PIGR: variants seen among roughly 807,000 people sequenced by gnomAD.
PIGR encodes the protein polymeric immunoglobulin receptor.
PIGR carries 22 observed loss-of-function variants against 69.5 expected under a neutral mutation model. That is an observed-to-expected ratio of 0.32 (90% CI 0.23 to 0.45). The LOEUF (loss-of-function observed/expected upper bound fraction) is 0.45, where lower values mean the gene tolerates loss of function less well. Among genes scored for constraint, PIGR ranks in the 20% least tolerant of loss-of-function variants. PIGR has a pLI of 1.00. For missense variants in PIGR, 885 were observed against 974.0 expected, an observed-to-expected ratio of 0.91 and a Z score of 1.22; for synonymous variants, 413 against 407.6, an observed-to-expected ratio of 1.01 and a Z score of -0.16.
rs550738103 is a variant in PIGR, at chr1:206,935,063, A to T, written c.1379-317T>A. ...GGATAGCATTAGAAATAAGTATGTT[A>T]TTCTGACTACAGAAGAAATGTAATT... On this transcript the variant is annotated intron_variant, in intron 5 of 10. Transcript: ENST00000356495. The surrounding 1 kb of genome is among the most constrained non-coding windows in gnomAD (Gnocchi z 4.4). 6.0e-4 allele frequency among the ~76,000 whole-genome samples: 92 copies of T among 152,302 alleles called. No individual in the cohort carries two copies. Among genetic ancestry groups the T allele is most frequent in the African/African-American group, 1.9e-3 (78 of 41,568 alleles).
At position 206,935,639 on chromosome 1, in the gene PIGR, A is replaced by T; in HGVS notation, c.1225T>A (p.Tyr409Asn). Residue 409 changes from tyrosine to asparagine, a missense_variant, in exon 5 of 11, where the codon TAC (tyrosine) becomes AAC (asparagine). By Grantham distance (143) the Tyr-to-Asn change is moderately radical (BLOSUM62 -2). Coordinates refer to ENST00000356495, the MANE Select transcript of PIGR (RefSeq NM_002644.4). This position sits in a 1 kb window ranked among gnomAD's most constrained non-coding sequence, Gnocchi z 4.4. ...TCCAGCAGGGAGAGGCGGCCCTCGT[A>T]CTGGGCCTTAACCCACCCCTCGCTG... The part of the protein sequence containing the change: ...VDSEGWVKAQ[Y>N]EGRLSLLEEP... The T allele has an allele frequency of 6.2e-7, 1 of 1,613,908 alleles. No individual in the cohort carries two copies. The highest frequency in any genetic ancestry group is 1.1e-5 in the South Asian group (1 of 91,064).
chr1:206,936,449 A>T (rs974277329), intron 4 of PIGR, among the ~76,000 whole-genome samples: 4 of 152,000 alleles, frequency 2.6e-5, no homozygotes, highest in Admixed American at 2.0e-4. Context: ...AAAAAAAAAA[A>T]GTCACAAGCA....
chr1:206,937,271 G>T lies in PIGR; in HGVS notation c.869C>A (p.Ala290Asp), dbSNP rs761790042. ...CAGGATCCTGCCCTCAAAGGCTGGG[G>T]CCCTCTTCCCCAGGGTGTTGACGAC... ...DVVVNTLGKR[A>D]PAFEGRILLN... Residue 290 changes from alanine to aspartate, a missense_variant, in exon 4 of 11, where the codon GCC becomes GAC. Physicochemically the swap from Ala to Asp is moderately radical, Grantham distance 126. Coordinates refer to ENST00000356495, the MANE Select transcript of PIGR (RefSeq NM_002644.4). 1 of 1,613,714 alleles carries T rather than the reference G, an allele frequency of 6.2e-7. No homozygotes were observed. Among genetic ancestry groups the T allele is most frequent in the Non-Finnish European group, 8.5e-7 (1 of 1,179,880 alleles).
chr1:206,940,708 G>T, intron 1 of PIGR, 124 bp from the exon 2 acceptor site: 1 of 584,106 alleles, frequency 1.7e-6, no homozygotes, highest in Non-Finnish European at 3.0e-6. Context: ...CCTGTTGAAT[G>T]AATCAGTGCC....
chr1:206,934,506 C>A lies in PIGR; in HGVS notation c.1619G>T (p.Gly540Val). Residue 540 changes from glycine (G) to valine (V), a missense_variant, in exon 6 of 11, where the codon GGC becomes GTC. Gly to Val is a moderately radical substitution (Grantham distance 109, BLOSUM62 -3). Coordinates refer to ENST00000356495, the MANE Select transcript of PIGR (RefSeq NM_002644.4). ...TLNLVTRADE[G>V]WYWCGVKQGH... ...CTGCTTCACTCCACACCAGTACCAG[C>A]CCTCATCAGCCCTGGTCACCAGGTT... 1 of 1,614,216 alleles carries A rather than the reference C, an allele frequency of 6.2e-7. No homozygotes were observed. The highest frequency in any genetic ancestry group is 8.5e-7 in the Non-Finnish European group (1 of 1,180,020).
At position 206,931,815 on chromosome 1, in the gene PIGR, A is replaced by C. The variant is rs1351013342; in HGVS notation, c.2009-13T>G. On this transcript the variant is annotated splice_polypyrimidine_tract_variant and intron_variant, in intron 8 of 10. Coordinates refer to ENST00000356495, the MANE Select transcript of PIGR (RefSeq NM_002644.4). ...ATTGAAACTCGGTCTGTCCGGGAGG[A>C]AGAGGAGTTGGTGTAAGGACAGGGG... 1 of 1,613,864 alleles carries C rather than the reference A, an allele frequency of 6.2e-7. No homozygotes were observed. The highest frequency in any genetic ancestry group is 2.2e-5 in the East Asian group (1 of 44,872).
rs1461491409 is a variant in PIGR, at chr1:206,930,668, G to T, written c.2200-255C>A. ...TGACACACGGAGTGGAACCGCCTCT[G>T]TTGCCCGGGCCTGTCCCCGGAAGCT... On this transcript the variant is annotated intron_variant, in intron 10 of 10. Coordinates refer to ENST00000356495, the MANE Select transcript of PIGR (RefSeq NM_002644.4). The surrounding 1 kb of genome is among the most constrained non-coding windows in gnomAD (Gnocchi z 4.3). 5.1e-6 allele frequency: 5 copies of T among 985,292 alleles called. No individual in the cohort carries two copies. Among genetic ancestry groups the T allele is most frequent in the Non-Finnish European group, 6.0e-6 (5 of 829,936 alleles). The allele number at this position is 985,292 out of a possible 1,614,324, so 61.0% of individuals were successfully genotyped here. A position where few individuals can be genotyped will look rare whatever the true frequency, so the allele number is the denominator to read the frequency against.
Position 206,934,674 on chromosome 1 carries a change from A to T in PIGR, c.1451T>A (p.Phe484Tyr). ...LGETLKVPCH[F>Y]PCKFSSYEKY... ...CTCGTACGAGGAGAATTTGCATGGA[A>T]AGTGACAGGGGACCTTGAGAGTCTC... The change falls in exon 6 of 11, where the codon TTT (phenylalanine) becomes TAT (tyrosine). Residue 484 changes from phenylalanine to tyrosine, a missense_variant. Phe to Tyr is a conservative substitution (Grantham distance 22). Transcript: ENST00000356495. 1 of 1,613,908 alleles carries T rather than the reference A, an allele frequency of 6.2e-7. No individual in the cohort carries two copies. The highest frequency in any genetic ancestry group is 8.5e-7 in the Non-Finnish European group (1 of 1,180,038).
At chr1:206,936,036 A>C (rs558884891) in intron 4 of PIGR, among the ~76,000 whole-genome samples, 24 of 152,266 alleles carry the variant, frequency 1.6e-4, no homozygotes, top group African/African-American at 5.5e-4. Context: ...GAGTCTCCCC[A>C]TCAGCCTGCA....
chr1:206,932,869 A>C, intron 7 of PIGR, 117 bp downstream of exon 7: 1 of 1,035,230 alleles, frequency 9.7e-7, no homozygotes, highest in Non-Finnish European at 1.4e-6. Context: ...AGAGGTAGTA[A>C]GGGCTGCCCC....
chr1:206,930,303 A>G lies in PIGR; in HGVS notation c.*15T>C. ...GGTGATTGTCATGGGTGCAGGGAGC[A>G]GGCGGCGACACCGTCTAGGCTTCCT... On this transcript the variant is annotated 3_prime_UTR_variant, in exon 11 of 11. Coordinates refer to ENST00000356495, the MANE Select transcript of PIGR (RefSeq NM_002644.4). The surrounding 1 kb of genome is among the most constrained non-coding windows in gnomAD (Gnocchi z 4.3). 1 of 1,605,058 alleles carries G rather than the reference A, an allele frequency of 6.2e-7. No homozygotes were observed. Among genetic ancestry groups the G allele is most frequent in the Non-Finnish European group, 8.5e-7 (1 of 1,174,790 alleles).
chr1:206,937,745 CCAGGACCTG>C lies in PIGR; in HGVS notation c.389-3_394del. ...GTAGACTTTAGTGTCATTTAGGAGC[CCAGGACCTG>C]CAGGATGAGGGGTGCAAGGTAGGGG... On this transcript the variant is annotated splice_acceptor_variant and splice_polypyrimidine_tract_variant and coding_sequence_variant and intron_variant, in exon 4 of 11. Coordinates refer to ENST00000356495, the MANE Select transcript of PIGR (RefSeq NM_002644.4). LOFTEE classifies it high-confidence loss of function. The C allele has an allele frequency of 6.2e-7, 1 of 1,613,574 alleles. No individual in the cohort carries two copies. The highest frequency in any genetic ancestry group is 8.5e-7 in the Non-Finnish European group (1 of 1,179,816).
rs2102606562 is a variant in PIGR, at chr1:206,946,351, T to C, written c.-69A>G. On this transcript the variant is annotated 5_prime_UTR_variant, in exon 1 of 11. Coordinates refer to ENST00000356495, the MANE Select transcript of PIGR (RefSeq NM_002644.4). ...TAACACTTACTTTTAGCCACTTCCT[T>C]CTCTCCCGTTGATCTGACTTCAGGG... 6.6e-6 allele frequency: 1 copy of C among 152,364 alleles called. No individual in the cohort carries two copies. The highest frequency in any genetic ancestry group is 2.4e-5 in the African/African-American group (1 of 41,564). 9.4% of individuals were successfully genotyped at this position (152,364 alleles called of 1,614,324 possible).
intron 1 of PIGR, among the ~76,000 whole-genome samples, chr1:206,945,556 C>CT (rs1361704526): frequency 6.6e-6 from 1 of 152,170 alleles, no homozygotes; most frequent in Non-Finnish European, 1.5e-5. Flanking sequence ...GTGAGGACCT[C>CT]TTTTTTTCTA....
At chr1:206,932,137 A>G (rs555683168) in intron 8 of PIGR, among the ~76,000 whole-genome samples, 7 of 152,236 alleles carry the variant, frequency 4.6e-5, no homozygotes, top group African/African-American at 1.4e-4. Context: ...GGATGGCTCA[A>G]TGTCACACAG....
rs1240474595 is a variant in PIGR, at chr1:206,937,123, G to A, written c.1017C>T (p.Ile339=). The A allele has an allele frequency of 6.2e-7, 1 of 1,607,820 alleles. No individual in the cohort carries two copies. The highest frequency in any genetic ancestry group is 8.5e-7 in the Non-Finnish European group (1 of 1,176,940). Reference sequence around the variant, plus strand: ...CATTGACGAAGAGTTGCCAGGCCTGGATAGGCGAGCCTTCCTGCAGCTGAC... The same window carrying A: ...CATTGACGAAGAGTTGCCAGGCCTGAATAGGCGAGCCTTCCTGCAGCTGAC... ...SDGQLQEGSP[I]QAWQLFVNEE... Residue 339 remains isoleucine, a synonymous_variant, in exon 4 of 11, where the codon ATC becomes ATT. Transcript: ENST00000356495.
chr1:206,932,413 C>T, intron 8 of PIGR, 43 bp downstream of exon 8: 2 of 1,577,500 alleles, frequency 1.3e-6, no homozygotes, highest in East Asian at 2.3e-5. Context: ...GGACTGAGGG[C>T]TCGGGTTGGA....
chr1:206,939,432 G>C lies in PIGR; in HGVS notation c.75C>G (p.Pro25=), dbSNP rs190452650. ...TACCTTCCACACTATTCACCTCCTC[G>C]GGACCAAATATGGGACTCTTCGTGG... is the stretch of plus-strand genomic sequence containing the variant. ...AISTKSPIFG[P]EEVNSVEGNS... Residue 25 remains proline (P), a synonymous_variant, in exon 3 of 11, where the codon CCC becomes CCG. Coordinates refer to ENST00000356495, the MANE Select transcript of PIGR (RefSeq NM_002644.4). 2.8e-5 allele frequency: 45 copies of C among 1,608,716 alleles called. No individual in the cohort carries two copies. Among genetic ancestry groups the C allele is most frequent in the Non-Finnish European group, 3.5e-5 (41 of 1,175,718 alleles).
chr1:206,939,885 T>A (rs291092), intron 2 of PIGR, among the ~76,000 whole-genome samples: 1 of 151,952 alleles, frequency 6.6e-6, no homozygotes, highest in East Asian at 1.9e-4. Flanking sequence ...TGCTAGCTAA[T>A]TTTGGTTTCT....
Sources: allele counts gnomAD v4.1 joint callset (sites outside exome capture counted in the v4.1 genomes callset), GRCh38; gene constraint gnomAD v4.1.1; non-coding constraint Gnocchi (gnomAD v3.1); transcripts MANE v1.5; gene names NCBI Gene and HGNC (gene_info 2026-07-23, HGNC 2026-07-21).